Variants in UBE3C observed in about 807,000 individuals in gnomAD.
UBE3C encodes ubiquitin protein ligase E3C, also known as ubiquitin-protein ligase E3C.
In UBE3C, 42 loss-of-function variants were observed where a neutral mutation model predicts 129.4. The observed-to-expected ratio is 0.32, with a 90% CI of 0.25 to 0.42. The LOEUF (loss-of-function observed/expected upper bound fraction) is 0.42. Among genes scored for constraint, UBE3C ranks in the 10% least tolerant of loss-of-function variants. The pLI, the probability that UBE3C is intolerant of heterozygous loss-of-function variation, is 1.00. For synonymous variants in UBE3C, 510 were observed against 492.4 expected (o/e 1.04, Z -0.47); for missense variants, 1,049 against 1,319.1 (o/e 0.80, Z 3.17).
At chr7:157,236,471 ATT>A (rs924563030) in intron 18 of UBE3C, among the ~76,000 whole-genome samples, 1 of 152,160 alleles carries the variant, frequency 6.6e-6, no homozygotes, top group African/African-American at 2.4e-5. Flanking sequence ...GTGGTTTATA[ATT>A]TTTTATCGCG....
intron 14 of UBE3C, 30 bp downstream of exon 14, chr7:157,217,001 T>A (rs550672631): frequency 6.6e-7 from 1 of 1,523,386 alleles, no homozygotes; most frequent in East Asian, 2.3e-5. Flanking sequence ...TTAATATTTA[T>A]CATTAAAAAA....
intron 18 of UBE3C, among the ~76,000 whole-genome samples, chr7:157,243,326 C>T (rs890847742): frequency 1.3e-5 from 2 of 152,190 alleles, no homozygotes; most frequent in African/African-American, 4.8e-5. Context: ...GGCAGCTCTG[C>T]ATGCTGGGGA....
At chr7:157,222,475 A>T (rs1283248502) in intron 15 of UBE3C, 2 of 151,144 alleles carry the variant, frequency 1.3e-5, no homozygotes, top group African/African-American at 4.9e-5. Flanking sequence ...CTGGAGTGCA[A>T]TGGTGCAATC....
intron 2 of UBE3C, chr7:157,164,364 C>G (rs888029995): frequency 2.2e-6 from 1 of 456,332 alleles, no homozygotes; most frequent in Admixed American, 2.4e-5. Flanking sequence ...GCTTTGCTGC[C>G]GAGGCTGATT....
intron 1 of UBE3C, among the ~76,000 whole-genome samples, chr7:157,161,478 G>T (rs1487418049): frequency 4.0e-5 from 6 of 149,008 alleles, no homozygotes; most frequent in Non-Finnish European, 7.4e-5. Context: ...TTGAGACAGG[G>T]TCTCGCTTTG....
At chr7:157,156,713 TAAAA>T (rs555689452) in intron 1 of UBE3C, among the ~76,000 whole-genome samples, 2 of 140,500 alleles carry the variant, frequency 1.4e-5, no homozygotes, top group Non-Finnish European at 1.6e-5. Context: ...CCCTTCTTTT[TAAAA>T]AAAAAAAAAA....
chr7:157,236,572 C>A (rs1161292159), intron 18 of UBE3C, among the ~76,000 whole-genome samples: 1 of 152,110 alleles, frequency 6.6e-6, no homozygotes, highest in Admixed American at 6.6e-5. Flanking sequence ...TGGAAAGTTT[C>A]TTTTTCTCCA....
Position 157,267,625 on chromosome 7 carries a change from A to C in UBE3C, c.3122A>C (p.Asp1041Ala). 6.2e-7 allele frequency: 1 copy of C among 1,613,334 alleles called. No homozygotes were observed. The highest frequency in any genetic ancestry group is 8.5e-7 in the Non-Finnish European group (1 of 1,179,812). The part of the protein sequence containing the change: ...PAFCIHNGGS[D>A]LERLPTASTC... ...TTTTGTATTCACAACGGAGGCTCCG[A>C]CCTTGAGCGGCTCCCCACAGCCAGC... Residue 1041 changes from aspartate (D) to alanine (A), a missense_variant, in exon 23 of 23, where the codon GAC (aspartate) becomes GCC (alanine). Physicochemically the swap from Asp to Ala is moderately radical, Grantham distance 126. This residue lies in a region of UBE3C where 243 missense variants were observed against 368.7 expected (regional missense o/e 0.66). Transcript: ENST00000348165.
chr7:157,139,242 G>T lies in UBE3C; in HGVS notation c.-31G>T. On this transcript the variant is annotated 5_prime_UTR_variant, in exon 1 of 23. Transcript: ENST00000348165. ...CGCCCGCCCGGCTGCTTCCGCGGCG[G>T]CGCTGCCCGCACATGGGCTAGGCTG... 1 of 1,474,708 alleles carries T rather than the reference G, an allele frequency of 6.8e-7. No individual in the cohort carries two copies. 91.4% of individuals were successfully genotyped at this position (1,474,708 alleles called of 1,614,324 possible).
chr7:157,188,112 A>T (rs892857167), intron 10 of UBE3C, among the ~76,000 whole-genome samples: 9 of 152,368 alleles, frequency 5.9e-5, no homozygotes, highest in African/African-American at 2.2e-4. Flanking sequence ...ATTCAATTGG[A>T]TACAGAGTAA....
In UBE3C at chr7:157,197,880, T is replaced by C. The variant is rs756385383; in HGVS notation, c.1332-3841T>C. The stretch of plus-strand genomic sequence containing the variant: ...AACCGCGTTAAGTATTGATTTATCC[T>C]CCTCTTCTGGAGAGGAAGGTGTACT... On this transcript the variant is annotated intron_variant, in intron 10 of 22. Coordinates refer to ENST00000348165, the MANE Select transcript of UBE3C (RefSeq NM_014671.3). 4 of 1,605,692 alleles carry C rather than the reference T, an allele frequency of 2.5e-6. No individual in the cohort carries two copies. The African/African-American group carries it at 4.0e-5, about 16-fold the overall frequency.
chr7:157,236,607 C>T (rs73743306), intron 18 of UBE3C, among the ~76,000 whole-genome samples: 3,241 of 152,238 alleles, frequency 0.021, 107 homozygotes, highest in African/African-American at 0.074. Flanking sequence ...TTGTAAAATG[C>T]TCACTGAATT....
chr7:157,244,134 G>A (rs967935799), intron 18 of UBE3C, among the ~76,000 whole-genome samples: 1 of 152,188 alleles, frequency 6.6e-6, no homozygotes, highest in African/African-American at 2.4e-5. Flanking sequence ...CGAGGCTGAG[G>A]CAGGAGAATC....
intron 18 of UBE3C, among the ~76,000 whole-genome samples, chr7:157,239,375 G>T (rs553205759): frequency 6.6e-6 from 1 of 152,202 alleles, no homozygotes; most frequent in African/African-American, 2.4e-5. Context: ...ATTTATGGAA[G>T]TTCAGAAACA....
chr7:157,267,893 C>T lies in UBE3C; in HGVS notation c.*138C>T. 1.5e-6 allele frequency: 1 copy of T among 653,854 alleles called. No individual in the cohort carries two copies. Among genetic ancestry groups the T allele is most frequent in the Non-Finnish European group, 2.4e-6 (1 of 416,556 alleles). 40.5% of individuals were successfully genotyped at this position (653,854 alleles called of 1,614,324 possible). A position where few individuals can be genotyped will look rare whatever the true frequency, so the allele number is the denominator to read the frequency against. On this transcript the variant is annotated 3_prime_UTR_variant, in exon 23 of 23. Coordinates refer to ENST00000348165, the MANE Select transcript of UBE3C (RefSeq NM_014671.3). ...TTCTTTCATTCTGCCATTCCTCCCT[C>T]CCTTCCTTTTTTAAATGATTTTTAT...
intron 11 of UBE3C, among the ~76,000 whole-genome samples, chr7:157,202,341 T>C (rs184258819): frequency 4.8e-4 from 73 of 152,294 alleles, no homozygotes; most frequent in African/African-American, 1.5e-3. Context: ...TAGTACTCTG[T>C]TGTTGAATTT....
intron 22 of UBE3C, among the ~76,000 whole-genome samples, chr7:157,257,742 CAAAAA>C (rs11436417): frequency 2.1e-5 from 2 of 95,534 alleles, no homozygotes; most frequent in East Asian, 2.9e-4. Context: ...ACCCTGTCTC[CAAAAA>C]AAAAAAAAAA....
At chr7:157,154,795 T>A (rs896838590) in intron 1 of UBE3C, among the ~76,000 whole-genome samples, 1 of 152,180 alleles carries the variant, frequency 6.6e-6, no homozygotes, top group Admixed American at 6.5e-5. Flanking sequence ...AACAAAGAAA[T>A]CTATAACTGG....
At chr7:157,159,970 G>A (rs1808024247) in intron 1 of UBE3C, among the ~76,000 whole-genome samples, 2 of 152,058 alleles carry the variant, frequency 1.3e-5, no homozygotes, top group Admixed American at 6.5e-5. Context: ...GTATTCTTTT[G>A]TTGTGATTAT....
Sources: allele counts gnomAD v4.1 joint callset (sites outside exome capture counted in the v4.1 genomes callset), GRCh38; gene constraint gnomAD v4.1.1; regional missense constraint gnomAD v4.1.1; transcripts MANE v1.5; gene names NCBI Gene and HGNC (gene_info 2026-07-23, HGNC 2026-07-21).